Variants in ZNF536 observed in about 807,000 individuals in gnomAD.
ZNF536 encodes the protein zinc finger protein 536.
Under a neutral mutation model 84.5 loss-of-function variants are expected in ZNF536, and 13 were observed. That is an observed-to-expected ratio of 0.15 (90% confidence interval 0.10 to 0.24). ZNF536 has a LOEUF of 0.24. Among genes scored for constraint, ZNF536 ranks in the 10% least tolerant of loss-of-function variants. The pLI is 1.00. For missense variants in ZNF536, 1,536 were observed against 1,747.5 expected (o/e 0.88, Z 2.16); for synonymous variants, 811 against 742.5 (o/e 1.09, Z -1.50).
intron 2 of ZNF536, among the ~76,000 whole-genome samples, chr19:30,348,024 T>C (rs1277941108): frequency 6.6e-6 from 1 of 152,260 alleles, no homozygotes; most frequent in African/African-American, 2.4e-5. Flanking sequence ...CCAATGATGT[T>C]CTTTCATCCA....
chr19:30,657,411 G>A (rs146258251), intron 1 of ZNF536, among the ~76,000 whole-genome samples: 19 of 152,280 alleles, frequency 1.2e-4, no homozygotes, highest in African/African-American at 3.4e-4. Flanking sequence ...TCCAAGAGGC[G>A]GCCGCCAGCA....
At chr19:30,342,908 T>A (rs1328416309) in intron 2 of ZNF536, among the ~76,000 whole-genome samples, 6 of 152,176 alleles carry the variant, frequency 3.9e-5, no homozygotes, top group Admixed American at 3.9e-4. Flanking sequence ...GGTAGAGAGG[T>A]CAACACCTGA....
Position 30,566,362 on chromosome 19 carries a change from C to G in ZNF536, c.169+16848C>G, listed in dbSNP as rs147218012. On this transcript the variant is annotated intron_variant, in intron 1 of 1. Coordinates refer to the ZNF536 transcript ENST00000592773. The stretch of plus-strand genomic sequence containing the variant: ...GGATCTGGTCCTCCGAACTCACCCA[C>G]TAACCTTCCAAGCAAAGTTGTAAAT... 4.6e-3 allele frequency among the ~76,000 whole-genome samples: 706 copies of G among 152,362 alleles called. 2 individuals carry two copies. Among genetic ancestry groups the G allele is most frequent in the Middle Eastern group, 0.017 (5 of 294 alleles).
intron 1 of ZNF536, among the ~76,000 whole-genome samples, chr19:30,628,455 G>A (rs898249955): frequency 1.4e-5 from 2 of 145,204 alleles, no homozygotes; most frequent in Admixed American, 6.9e-5. Context: ...TTGAGACAGA[G>A]TCTCGCTCTG....
chr19:30,703,923 T>G (rs2052107686), intron 1 of ZNF536, among the ~76,000 whole-genome samples: 2 of 152,090 alleles, frequency 1.3e-5, no homozygotes, highest in Non-Finnish European at 2.9e-5. Context: ...GAGAGAAGAT[T>G]GAAGTTCAGG....
chr19:30,693,910 C>T (rs879677685), intron 1 of ZNF536, among the ~76,000 whole-genome samples: 1 of 152,108 alleles, frequency 6.6e-6, no homozygotes, highest in South Asian at 2.1e-4. Flanking sequence ...TACAATACAA[C>T]CTCACTGAAT....
At chr19:30,415,123 CTCCTCCTCCTCCTTT>C (rs1190787145) in intron 1 of ZNF536, among the ~76,000 whole-genome samples, 2 of 147,570 alleles carry the variant, frequency 1.4e-5, no homozygotes, top group Non-Finnish European at 3.0e-5. Flanking sequence ...TCTCCTTCTT[CTCCTCCTCCTCCTTT>C]TCCTTCTTCT....
intron 1 of ZNF536, among the ~76,000 whole-genome samples, chr19:30,392,283 A>T (rs2049625812): frequency 6.6e-6 from 1 of 152,118 alleles, no homozygotes; most frequent in Non-Finnish European, 1.5e-5. Context: ...GGGGCGAGGG[A>T]GGTAGGGACA....
intron 1 of ZNF536, among the ~76,000 whole-genome samples, chr19:30,586,475 TA>T (rs1175110134): frequency 6.6e-6 from 1 of 152,234 alleles, no homozygotes; most frequent in Non-Finnish European, 1.5e-5. Context: ...GTAACTGACA[TA>T]AGAGCACCTT....
chr19:30,489,231 T>G (rs574543929), intron 2 of ZNF536, among the ~76,000 whole-genome samples: 10 of 152,336 alleles, frequency 6.6e-5, no homozygotes, highest in South Asian at 2.1e-4. Flanking sequence ...CATTTGTGAC[T>G]TGTTTATTTG....
At chr19:30,311,124 G>A (rs529140835) in intron 2 of ZNF536, among the ~76,000 whole-genome samples, 44 of 152,126 alleles carry the variant, frequency 2.9e-4, no homozygotes, top group Non-Finnish European at 4.9e-4. Context: ...CGCTGCTCAT[G>A]CCTCCAGTGA....
chr19:30,271,591 A>G (rs954020329), intron 1 of ZNF536, among the ~76,000 whole-genome samples: 2 of 152,104 alleles, frequency 1.3e-5, no homozygotes, highest in Non-Finnish European at 2.9e-5. Flanking sequence ...TTCTCTCGCC[A>G]TGTTCCTAGC....
chr19:30,398,053 G>A (rs920199393), intron 1 of ZNF536, among the ~76,000 whole-genome samples: 1 of 152,186 alleles, frequency 6.6e-6, no homozygotes, highest in East Asian at 1.9e-4. Flanking sequence ...AGATAGTATG[G>A]AGAGGTCTTT....
upstream of ZNF536, among the ~76,000 whole-genome samples, chr19:30,369,361 C>T (rs1399013328): frequency 6.6e-6 from 1 of 152,174 alleles, no homozygotes; most frequent in African/African-American, 2.4e-5. Flanking sequence ...ATTTTGATCT[C>T]TTATTTATAA....
chr19:30,485,975 C>T (rs947808986), intron 2 of ZNF536, among the ~76,000 whole-genome samples: 5 of 152,100 alleles, frequency 3.3e-5, no homozygotes, highest in Non-Finnish European at 7.4e-5. Flanking sequence ...GAAGTTGCTC[C>T]GAGACCAGTA....
At chr19:30,446,142 G>A (rs954594052) in intron 2 of ZNF536, among the ~76,000 whole-genome samples, 5 of 150,702 alleles carry the variant, frequency 3.3e-5, no homozygotes, top group East Asian at 2.0e-4. Flanking sequence ...CTAGCTATTC[G>A]GGAGGCTAAG....
At chr19:30,235,640 A>G (rs995386099) in intron 1 of ZNF536, among the ~76,000 whole-genome samples, 1 of 152,196 alleles carries the variant, frequency 6.6e-6, no homozygotes, top group Non-Finnish European at 1.5e-5. Context: ...TTGACTAGAG[A>G]AAAAAAGTAG....
At chr19:30,639,566 T>C (rs2049190418) in intron 1 of ZNF536, among the ~76,000 whole-genome samples, 1 of 152,218 alleles carries the variant, frequency 6.6e-6, no homozygotes, top group Admixed American at 6.5e-5. Flanking sequence ...TTACTTTTGT[T>C]TCCAGTAGGC....
chr19:30,628,706 T>C (rs1008972641), intron 1 of ZNF536, among the ~76,000 whole-genome samples: 2 of 151,998 alleles, frequency 1.3e-5, no homozygotes, highest in Admixed American at 6.6e-5. Flanking sequence ...TTTATTTATT[T>C]ATTTTTTTGT....
Sources: allele counts gnomAD v4.1 joint callset (sites outside exome capture counted in the v4.1 genomes callset), GRCh38; gene constraint gnomAD v4.1.1; transcripts MANE v1.5; gene names NCBI Gene and HGNC (gene_info 2026-07-23, HGNC 2026-07-21).